The following PLCE1 variants were observed in gnomAD, a reference collection of about 807,000 sequenced individuals.
The protein encoded by PLCE1 is 1-phosphatidylinositol 4,5-bisphosphate phosphodiesterase epsilon-1.
Under a neutral mutation model 242.8 loss-of-function variants are expected in PLCE1, and 119 were observed. The ratio of observed to expected loss-of-function variants is 0.49; its 90% CI spans 0.42 to 0.57. PLCE1 has a LOEUF of 0.57. Ranked by LOEUF, PLCE1 falls within the 20% of genes least tolerant of loss-of-function variation. The pLI, the probability that PLCE1 is intolerant of heterozygous loss-of-function variation, is 0.00. For missense variants in PLCE1, 2,441 were observed against 2,788.8 expected, an observed-to-expected ratio of 0.88 and a Z score of 2.81; for synonymous variants, 945 against 1,017.4, an observed-to-expected ratio of 0.93 and a Z score of 1.35.
chr10:94,273,087 T>G (rs2051809051), intron 18 of PLCE1, among the ~76,000 whole-genome samples: 1 of 152,176 alleles, frequency 6.6e-6, no homozygotes, highest in African/African-American at 2.4e-5. Flanking sequence ...CATTCTGCTT[T>G]GGAGATCCAT....
rs1447360233 is a variant in PLCE1 at position 94,331,852 on chromosome 10, A to C, written c.*3909A>C. 6.7e-6 allele frequency: 1 copy of C among 149,244 alleles called. No homozygotes were observed. Among genetic ancestry groups the C allele is most frequent in the African/African-American group, 2.5e-5 (1 of 40,392 alleles). 9.2% of individuals were successfully genotyped at this position (149,244 alleles called of 1,614,324 possible). On this transcript the variant is annotated 3_prime_UTR_variant, in exon 33 of 33. Transcript: ENST00000371380. Reference sequence around the variant, plus strand: ...CCTTTGAAACACATACTGAGTCTCTATGATTACCAAGTTATTCTTTTTTTT... The same window carrying C: ...CCTTTGAAACACATACTGAGTCTCTCTGATTACCAAGTTATTCTTTTTTTT...
At chr10:94,218,627 T>C (rs1318705271) in intron 4 of PLCE1, among the ~76,000 whole-genome samples, 1 of 152,110 alleles carries the variant, frequency 6.6e-6, no homozygotes, top group Non-Finnish European at 1.5e-5. Context: ...GATTTGTAGC[T>C]TCTTACTTTT....
intron 1 of PLCE1, among the ~76,000 whole-genome samples, chr10:94,000,484 T>C (rs2060912166): frequency 6.6e-6 from 1 of 152,246 alleles, no homozygotes; most frequent in Non-Finnish European, 1.5e-5. Context: ...AACTGTACAT[T>C]GTCTAGAATA....
rs562081988 is a variant in PLCE1, at chr10:94,254,314, C to T, written c.3397+7C>T. Reference sequence around the variant, plus strand: ...AATGAACAAGAAGAATCAGGTAAAGCGGCATGTTTACATCTGAGATTTTTG... The same window carrying T: ...AATGAACAAGAAGAATCAGGTAAAGTGGCATGTTTACATCTGAGATTTTTG... On this transcript the variant is annotated splice_region_variant and intron_variant, in intron 10 of 32. Transcript: ENST00000371380. 316 of 1,571,774 alleles carry T rather than the reference C, an allele frequency of 2.0e-4. 4 individuals are homozygous for T. In the South Asian group the frequency reaches 2.7e-3, roughly 13 times the overall value.
intron 2 of PLCE1, chr10:94,105,370 G>C (rs2045689775): frequency 2.0e-5 from 3 of 152,284 alleles, no homozygotes; most frequent in Non-Finnish European, 4.4e-5. Flanking sequence ...GGGATCACCT[G>C]TCAGTTATCT....
chr10:94,189,681 C>T (rs2048599103), intron 4 of PLCE1, among the ~76,000 whole-genome samples: 1 of 152,056 alleles, frequency 6.6e-6, no homozygotes, highest in Non-Finnish European at 1.5e-5. Flanking sequence ...AAAAATGGCT[C>T]CCAGATGCCT....
intron 1 of PLCE1, among the ~76,000 whole-genome samples, chr10:94,025,693 G>A (rs1056013306): frequency 8.6e-5 from 13 of 152,022 alleles, no homozygotes; most frequent in African/African-American, 3.1e-4. Context: ...TTTATCAGAC[G>A]GATCCAAAGC....
intron 20 of PLCE1, among the ~76,000 whole-genome samples, chr10:94,281,011 GA>G (rs1367558540): frequency 6.6e-6 from 1 of 152,192 alleles, no homozygotes. Context: ...TGCTACACCT[GA>G]AACCCCATGA....
intron 2 of PLCE1, among the ~76,000 whole-genome samples, chr10:94,058,503 G>T (rs145461472): frequency 2.6e-5 from 4 of 152,294 alleles, no homozygotes; most frequent in African/African-American, 9.6e-5. Context: ...AAGTTCTTCA[G>T]TAAAAAATTT....
At chr10:94,009,602 T>C (rs970566401) in intron 1 of PLCE1, among the ~76,000 whole-genome samples, 4 of 152,206 alleles carry the variant, frequency 2.6e-5, no homozygotes, top group African/African-American at 9.7e-5. Context: ...CCCATGAGTC[T>C]ATAAAATCAA....
intron 4 of PLCE1, among the ~76,000 whole-genome samples, chr10:94,199,619 T>G (rs2136741184): frequency 6.6e-6 from 1 of 152,342 alleles, no homozygotes; most frequent in East Asian, 1.9e-4. Flanking sequence ...TTATAACAAG[T>G]CTTAGACGGC....
At chr10:94,200,813 T>C (rs895685314) in intron 4 of PLCE1, among the ~76,000 whole-genome samples, 7 of 152,206 alleles carry the variant, frequency 4.6e-5, no homozygotes, top group Non-Finnish European at 1.5e-5. Context: ...GGGAATTGCA[T>C]TTGACCTCCG....
chr10:94,043,240 C>A (rs138638497), intron 2 of PLCE1, among the ~76,000 whole-genome samples: 66 of 152,266 alleles, frequency 4.3e-4, no homozygotes, highest in African/African-American at 1.5e-3. Flanking sequence ...CAAAACAAAA[C>A]CAGAGGCACC....
chr10:94,315,769 CAAAAA>C (rs10572287), intron 28 of PLCE1, among the ~76,000 whole-genome samples: 1 of 122,870 alleles, frequency 8.1e-6, no homozygotes. Flanking sequence ...GACTCTGTCT[CAAAAA>C]AAAAAAAAAA....
At position 94,246,384 on chromosome 10, in the gene PLCE1, A is replaced by G. The variant is rs750609293; in HGVS notation, c.2859A>G (p.Ile953Met). 6.2e-7 allele frequency: 1 copy of G among 1,614,208 alleles called. No individual in the cohort carries two copies. The highest frequency in any genetic ancestry group is 8.5e-7 in the Non-Finnish European group (1 of 1,180,016). ...AVYMGHPGID[I>M]HTVCVQNKLG... ...ACATGGGCCACCCTGGCATTGATATACACACTGTGTGTGTTCAGAACAAAC... is the reference window on the plus strand; with the variant it reads ...ACATGGGCCACCCTGGCATTGATATGCACACTGTGTGTGTTCAGAACAAAC... The change falls in exon 8 of 33, where the codon ATA becomes ATG. Residue 953 changes from isoleucine (I) to methionine (M), a missense_variant. Ile to Met is a conservative substitution (Grantham distance 10). Around this residue, in one of 5 missense-constraint regions of PLCE1, gnomAD observed 733 missense variants for 754.2 expected, o/e 0.97. Transcript: ENST00000371380.
At chr10:94,211,915 C>A (rs1163822091) in intron 4 of PLCE1, among the ~76,000 whole-genome samples, 1 of 152,126 alleles carries the variant, frequency 6.6e-6, no homozygotes, top group Non-Finnish European at 1.5e-5. Flanking sequence ...CTCAGAGAGA[C>A]CCCTGTCAAT....
chr10:94,285,525 C>T (rs917597426), intron 22 of PLCE1, among the ~76,000 whole-genome samples: 2 of 152,162 alleles, frequency 1.3e-5, no homozygotes, highest in African/African-American at 4.8e-5. Flanking sequence ...TTTCTCTTTC[C>T]TCATTTCTCA....
intron 2 of PLCE1, among the ~76,000 whole-genome samples, chr10:94,097,885 G>A (rs1033129131): frequency 6.6e-6 from 1 of 152,204 alleles, no homozygotes; most frequent in African/African-American, 2.4e-5. Context: ...TTGGCTGCCT[G>A]GCCTAGGGGT....
Position 94,330,412 on chromosome 10 carries a change from G to C in PLCE1, c.*2469G>C, listed in dbSNP as rs1485018646. ...TGTAAAGAGTTGGCTGGGCACAGTG[G>C]CTCATGCCTGTAATCCCAACACTCT... On this transcript the variant is annotated 3_prime_UTR_variant, in exon 33 of 33. Coordinates refer to ENST00000371380, the MANE Select transcript of PLCE1 (RefSeq NM_016341.4). The C allele has an allele frequency of 7.2e-5, 11 of 152,262 alleles. 1 individual carries two copies. Among genetic ancestry groups the C allele is most frequent in the Admixed American group, 7.2e-4 (11 of 15,284 alleles). The allele number at this position is 152,262 out of a possible 1,614,324, so 9.4% of individuals were successfully genotyped here. A position where few individuals can be genotyped will look rare whatever the true frequency, so the allele number is the denominator to read the frequency against.
Sources: gnomAD v4.1 joint callset for allele counts (sites outside exome capture counted in the v4.1 genomes callset) on GRCh38, gnomAD v4.1.1 for gene constraint, gnomAD v4.1.1 regional missense constraint, MANE v1.5 for transcripts, NCBI Gene and HGNC (gene_info 2026-07-23, HGNC 2026-07-21) for gene names.